AKAP7: variants seen among roughly 807,000 people sequenced by gnomAD.
AKAP7 encodes the protein A kinase (PRKA) anchor protein 7.
In AKAP7, 39 loss-of-function variants were observed where a neutral mutation model predicts 39.5. That is an observed-to-expected ratio of 0.99 (90% confidence interval 0.76 to 1.29). The LOEUF is 1.29. AKAP7 is among the 50% of genes most tolerant of loss of function. The pLI is 0.00. For missense variants in AKAP7, 414 were observed against 407.7 expected (o/e 1.02, Z -0.13); for synonymous variants, 140 against 139.1 (o/e 1.01, Z -0.05).
chr6:131,225,296 A>G (rs921440313), intron 7 of AKAP7, among the ~76,000 whole-genome samples: 3 of 152,082 alleles, frequency 2.0e-5, no homozygotes, highest in Non-Finnish European at 2.9e-5. Flanking sequence ...TTCCCCTCAG[A>G]AGCCCATGTG....
At chr6:131,171,031 TTTATAAATTTA>T (rs1368652096) in intron 5 of AKAP7, among the ~76,000 whole-genome samples, 1 of 152,186 alleles carries the variant, frequency 6.6e-6, no homozygotes, top group African/African-American at 2.4e-5. Flanking sequence ...AGCAAAGGTT[TTTATAAATTTA>T]TTACCTCTAA....
intron 7 of AKAP7, among the ~76,000 whole-genome samples, chr6:131,251,657 C>G (rs1812457853): frequency 6.6e-6 from 1 of 152,124 alleles, no homozygotes; most frequent in Admixed American, 6.5e-5. Flanking sequence ...GGAATAAATG[C>G]TGAAGTCTCC....
chr6:131,220,481 T>C (rs1809603254), intron 7 of AKAP7, among the ~76,000 whole-genome samples: 1 of 152,234 alleles, frequency 6.6e-6, no homozygotes, highest in African/African-American at 2.4e-5. Flanking sequence ...AGATTTATTA[T>C]TTCAAACCAG....
At chr6:131,225,394 G>T (rs146319876) in intron 7 of AKAP7, among the ~76,000 whole-genome samples, 1 of 152,160 alleles carries the variant, frequency 6.6e-6, no homozygotes, top group Non-Finnish European at 1.5e-5. Context: ...ATCCTCATCC[G>T]TAAGGAGTTG....
chr6:131,280,285 G>T (rs1030358996), intron 7 of AKAP7, among the ~76,000 whole-genome samples: 24 of 152,198 alleles, frequency 1.6e-4, no homozygotes, highest in Admixed American at 4.6e-4. Context: ...TTCTAGATGG[G>T]TCTTATCCTA....
Position 131,282,131 on chromosome 6 carries a change from C to G in AKAP7, c.*405C>G. On this transcript the variant is annotated 3_prime_UTR_variant, in exon 8 of 8. Coordinates refer to ENST00000431975, the MANE Select transcript of AKAP7 (RefSeq NM_016377.4). ...GGCCAGAACTCTCACACACAGCTATCAAGTGCTAAGTTTAAAATAATCACT... is the reference window on the plus strand; with the variant it reads ...GGCCAGAACTCTCACACACAGCTATGAAGTGCTAAGTTTAAAATAATCACT... 2 of 1,182,012 alleles carry G rather than the reference C, an allele frequency of 1.7e-6. No homozygotes were observed. Among genetic ancestry groups the G allele is most frequent in the Non-Finnish European group, 2.1e-6 (2 of 956,786 alleles). The allele number at this position is 1,182,012 out of a possible 1,614,324, so 73.2% of individuals were successfully genotyped here.
intron 6 of AKAP7, among the ~76,000 whole-genome samples, chr6:131,215,264 G>A (rs534053210): frequency 2.6e-5 from 4 of 152,330 alleles, no homozygotes; most frequent in South Asian, 4.1e-4. Context: ...AGGCACATTC[G>A]ACCAGGGGAC....
intron 2 of AKAP7, among the ~76,000 whole-genome samples, chr6:131,150,048 G>T (rs1239405758): frequency 6.6e-6 from 1 of 152,042 alleles, no homozygotes; most frequent in Non-Finnish European, 1.5e-5. Context: ...CAAACTCCTG[G>T]GCTCCAGTGA....
chr6:131,212,937 G>C (rs947776655), intron 6 of AKAP7, among the ~76,000 whole-genome samples: 1 of 152,182 alleles, frequency 6.6e-6, no homozygotes, highest in Admixed American at 6.5e-5. Flanking sequence ...AGTGATGTCT[G>C]TGGATGCATT....
At chr6:131,186,127 C>T (rs1171750045) in intron 5 of AKAP7, among the ~76,000 whole-genome samples, 1 of 152,008 alleles carries the variant, frequency 6.6e-6, no homozygotes. Context: ...AAATGTAATC[C>T]CCAGTGTTGG....
intron 7 of AKAP7, among the ~76,000 whole-genome samples, chr6:131,221,274 G>A (rs1466274582): frequency 1.3e-5 from 2 of 152,204 alleles, no homozygotes; most frequent in South Asian, 4.1e-4. Flanking sequence ...GATCCAGTGC[G>A]AGGCCCCAAC....
chr6:131,164,226 C>G, intron 3 of AKAP7: 1 of 360,768 alleles, frequency 2.8e-6, no homozygotes, highest in South Asian at 2.2e-5. Flanking sequence ...GGGCTTCTGT[C>G]TTCTGTTCCC....
At chr6:131,239,628 ACTT>A (rs1811360946) in intron 7 of AKAP7, among the ~76,000 whole-genome samples, 2 of 151,794 alleles carry the variant, frequency 1.3e-5, no homozygotes, top group East Asian at 3.9e-4. Flanking sequence ...TTTTCTCTAA[ACTT>A]CTCTTCTCGC....
At chr6:131,189,742 T>C (rs1806225506) in intron 5 of AKAP7, among the ~76,000 whole-genome samples, 1 of 152,230 alleles carries the variant, frequency 6.6e-6, no homozygotes, top group African/African-American at 2.4e-5. Flanking sequence ...TATTTCAGTA[T>C]TCTTTTATAT....
intron 5 of AKAP7, among the ~76,000 whole-genome samples, chr6:131,186,429 A>T (rs189697084): frequency 1.3e-5 from 2 of 150,164 alleles, no homozygotes; most frequent in Admixed American, 6.7e-5. Context: ...AGTCTCAGGT[A>T]TTTTTTTTTT....
intron 2 of AKAP7, among the ~76,000 whole-genome samples, chr6:131,149,310 T>C (rs1232450734): frequency 6.6e-6 from 1 of 152,190 alleles, no homozygotes; most frequent in Non-Finnish European, 1.5e-5. Flanking sequence ...AAGTAAAATA[T>C]CCAAATGCAT....
chr6:131,211,700 G>A (rs1427854040), intron 6 of AKAP7, among the ~76,000 whole-genome samples: 4 of 147,138 alleles, frequency 2.7e-5, no homozygotes, highest in Admixed American at 6.9e-5. Context: ...GAGAACCCGG[G>A]AGACGGAGGT....
At chr6:131,232,232 G>A (rs1012383317) in intron 7 of AKAP7, among the ~76,000 whole-genome samples, 2 of 152,186 alleles carry the variant, frequency 1.3e-5, no homozygotes, top group African/African-American at 4.8e-5. Context: ...AAATGATGCA[G>A]TAGTAAGGTA....
Position 131,281,633 on chromosome 6 carries a change from AAC to A in AKAP7, c.958_959del (p.Gln320GlufsTer2), listed in dbSNP as rs763199247. The A allele has an allele frequency of 6.2e-6, 10 of 1,613,592 alleles. No homozygotes were observed. In the African/African-American group the frequency reaches 9.3e-5, roughly 15 times the overall value. On this transcript the variant is annotated frameshift_variant, in exon 8 of 8. Coordinates refer to ENST00000431975, the MANE Select transcript of AKAP7 (RefSeq NM_016377.4). LOFTEE classifies it high-confidence loss of function. This position sits in a 1 kb window ranked among gnomAD's most constrained non-coding sequence, Gnocchi z 4.0. ...LKAVQQYLEE[T>X]QNKNKPGEGS... Reference sequence around the variant, plus strand: ...AGGCTGTCCAGCAGTATCTGGAGGAAACACAGAATAAAAACAAGCCGGGGGAG... The same window carrying A: ...AGGCTGTCCAGCAGTATCTGGAGGAAACAGAATAAAAACAAGCCGGGGGAG...
Sources: gnomAD v4.1 joint callset for allele counts (sites outside exome capture counted in the v4.1 genomes callset) on GRCh38, gnomAD v4.1.1 for gene constraint, Gnocchi (gnomAD v3.1) non-coding constraint, MANE v1.5 for transcripts, NCBI Gene and HGNC (gene_info 2026-07-23, HGNC 2026-07-21) for gene names.